PHACTR1: variants seen among roughly 807,000 people sequenced by gnomAD.
PHACTR1 encodes RPEL repeat containing 1.
Under a neutral mutation model 69.2 loss-of-function variants are expected in PHACTR1, and 16 were observed. That is an observed-to-expected ratio of 0.23 (90% CI 0.16 to 0.35). The LOEUF (loss-of-function observed/expected upper bound fraction) is 0.35, where lower values mean the gene tolerates loss of function less well. PHACTR1 is among the 10% of genes least tolerant of loss of function. PHACTR1 has a pLI of 1.00. For missense variants in PHACTR1, 510 were observed against 734.7 expected, an observed-to-expected ratio of 0.69 and a Z score of 3.54; for synonymous variants, 312 against 284.5, an observed-to-expected ratio of 1.10 and a Z score of -0.97.
intron 5 of PHACTR1, among the ~76,000 whole-genome samples, chr6:13,091,002 C>CT (rs1024469954): frequency 3.4e-5 from 4 of 117,220 alleles, no homozygotes; most frequent in South Asian, 3.0e-4. Context: ...TTTTTATTTT[C>CT]TTTTTTTTGA....
intron 4 of PHACTR1, among the ~76,000 whole-genome samples, chr6:12,837,768 A>G (rs1778302954): frequency 6.6e-6 from 1 of 152,264 alleles, no homozygotes; most frequent in Non-Finnish European, 1.5e-5. Context: ...AGAGATATAT[A>G]TGTTAAAGTA....
intron 5 of PHACTR1, among the ~76,000 whole-genome samples, chr6:13,086,101 A>AAAAAAAAAAAAAC: frequency 6.7e-6 from 1 of 150,362 alleles, no homozygotes; most frequent in African/African-American, 2.4e-5. Context: ...AAAAAAAAAA[A>AAAAAAAAAAAAAC]AAAAAGCTAA....
At chr6:13,204,798 A>T (rs555959359) in intron 7 of PHACTR1, among the ~76,000 whole-genome samples, 3 of 152,188 alleles carry the variant, frequency 2.0e-5, no homozygotes, top group Admixed American at 6.5e-5. Context: ...TCAAAGCAGG[A>T]TGGTCGTCCC....
intron 6 of PHACTR1, 43 bp from the exon 7 acceptor site, chr6:13,182,476 G>T: frequency 6.2e-7 from 1 of 1,600,004 alleles, no homozygotes; most frequent in Non-Finnish European, 8.6e-7. Context: ...TTCTTGAAAG[G>T]CAGACATTGT....
intron 4 of PHACTR1, among the ~76,000 whole-genome samples, chr6:12,764,165 A>G (rs1340486723): frequency 6.6e-6 from 1 of 152,236 alleles, no homozygotes; most frequent in Non-Finnish European, 1.5e-5. Flanking sequence ...GCCAAGACTC[A>G]TCATTCAGAA....
rs189725744 is a variant in PHACTR1 at position 13,259,039 on chromosome 6, G to T, written c.1392-13821G>T. On this transcript the variant is annotated intron_variant, in intron 10 of 14. Coordinates refer to ENST00000332995, the MANE Select transcript of PHACTR1 (RefSeq NM_030948.6). ...CAAATCTCCTGAGTCACTTTAAAGT[G>T]GTGGAGCACTGGACATTTGTCTTTT... Among the ~76,000 whole-genome samples the T allele has an allele frequency of 5.4e-4, 83 of 152,322 alleles. 1 individual carries two copies. Among genetic ancestry groups the T allele is most frequent in the African/African-American group, 1.9e-3 (78 of 41,572 alleles).
intron 8 of PHACTR1, among the ~76,000 whole-genome samples, chr6:13,226,006 G>A (rs1001479081): frequency 7.9e-5 from 12 of 152,280 alleles, no homozygotes; most frequent in Admixed American, 2.6e-4. Flanking sequence ...GCCATCTATC[G>A]TGTACTTCAC....
Position 13,218,561 on chromosome 6 carries a change from G to A in PHACTR1, c.987-9255G>A, listed in dbSNP as rs1768027958. 2.0e-5 allele frequency among the ~76,000 whole-genome samples: 3 copies of A among 152,232 alleles called. No individual in the cohort carries two copies. In the South Asian group the frequency reaches 6.2e-4, roughly 32 times the overall value. On this transcript the variant is annotated intron_variant, in intron 8 of 14. Coordinates refer to ENST00000332995, the MANE Select transcript of PHACTR1 (RefSeq NM_030948.6). ...TTCGGCCATTGAAATGGTGGGAAAA[G>A]GCCAGGCACGGTGGCTCACTCCTGT...
At chr6:12,963,402 T>C (rs1793006366) in intron 4 of PHACTR1, among the ~76,000 whole-genome samples, 1 of 150,886 alleles carries the variant, frequency 6.6e-6, no homozygotes, top group Admixed American at 6.6e-5. Context: ...AACAGGAAAA[T>C]GCAACATAAA....
At chr6:12,997,123 C>T (rs1219647952) in intron 4 of PHACTR1, among the ~76,000 whole-genome samples, 1 of 151,656 alleles carries the variant, frequency 6.6e-6, no homozygotes, top group Non-Finnish European at 1.5e-5. Flanking sequence ...TGAGATCACC[C>T]GCCATTGCAC....
At chr6:12,754,164 G>A (rs1766998505) in intron 4 of PHACTR1, among the ~76,000 whole-genome samples, 1 of 139,402 alleles carries the variant, frequency 7.2e-6, no homozygotes, top group African/African-American at 2.7e-5. Flanking sequence ...TAGTGGAGAT[G>A]GGGTTTCACT....
At chr6:12,747,500 C>T (rs1303191349) in intron 3 of PHACTR1, among the ~76,000 whole-genome samples, 1 of 151,074 alleles carries the variant, frequency 6.6e-6, no homozygotes, top group East Asian at 1.9e-4. Flanking sequence ...CGCATCTCTA[C>T]AAAAAAGAAA....
chr6:12,966,009 A>G (rs1793440121), intron 4 of PHACTR1, among the ~76,000 whole-genome samples: 1 of 152,204 alleles, frequency 6.6e-6, no homozygotes, highest in East Asian at 1.9e-4. Flanking sequence ...GGAATGGAAG[A>G]GAGGAGGCAA....
intron 4 of PHACTR1, among the ~76,000 whole-genome samples, chr6:12,936,081 T>C (rs1789417211): frequency 6.6e-6 from 1 of 151,930 alleles, no homozygotes; most frequent in Non-Finnish European, 1.5e-5. Flanking sequence ...TGTTGCCCTC[T>C]TGAAGATATA....
chr6:13,150,393 C>T lies in PHACTR1; in HGVS notation c.416-9811C>T, dbSNP rs551036833. Among the ~76,000 whole-genome samples the T allele has an allele frequency of 2.0e-4, 31 of 152,090 alleles. 1 individual carries two copies. The highest frequency in any genetic ancestry group is 6.8e-3 in the Middle Eastern group (2 of 294). ...TTTCTTTCATTTTGAATTAGTGATT[C>T]GATAAGCTTTCCTTGGATTATCAAG... On this transcript the variant is annotated intron_variant, in intron 5 of 14. Transcript: ENST00000332995.
chr6:13,004,775 C>A (rs950734335), intron 4 of PHACTR1, among the ~76,000 whole-genome samples: 1 of 152,124 alleles, frequency 6.6e-6, no homozygotes, highest in Non-Finnish European at 1.5e-5. Flanking sequence ...ATATGTCTGG[C>A]CTGCGTTCAC....
chr6:12,793,313 T>C (rs1772567169), intron 4 of PHACTR1, among the ~76,000 whole-genome samples: 1 of 152,248 alleles, frequency 6.6e-6, no homozygotes, highest in Admixed American at 6.5e-5. Flanking sequence ...TGCATATTTT[T>C]TCTTTATTCA....
At position 13,261,770 on chromosome 6, in the gene PHACTR1, T is replaced by C. The variant is rs115536582; in HGVS notation, c.1392-11090T>C. Among the ~76,000 whole-genome samples, 532 of 152,322 alleles carry C rather than the reference T, an allele frequency of 3.5e-3. 5 individuals carry two copies. Among genetic ancestry groups the C allele is most frequent in the African/African-American group, 0.012 (516 of 41,562 alleles). On this transcript the variant is annotated intron_variant, in intron 10 of 14. Coordinates refer to ENST00000332995, the MANE Select transcript of PHACTR1 (RefSeq NM_030948.6). ...CTGTAGGACACCTAAACCAAGAGAT[T>C]TGCAGACAGAGGAAGTGATACTGAA...
In PHACTR1 at chr6:13,087,081, CT is replaced by C. The variant is rs138870539; in HGVS notation, c.415+33553del. ...TTAAGTATTTTGACCATTTTTTAAACTGAACTGTTCATTTTCTTATTGAGTT... is the reference window on the plus strand; with the variant it reads ...TTAAGTATTTTGACCATTTTTTAAACGAACTGTTCATTTTCTTATTGAGTT... On this transcript the variant is annotated intron_variant, in intron 5 of 14. Coordinates refer to ENST00000332995, the MANE Select transcript of PHACTR1 (RefSeq NM_030948.6). Among the ~76,000 whole-genome samples, 499 of 149,598 alleles carry C rather than the reference CT, an allele frequency of 3.3e-3. 3 individuals carry two copies. Among genetic ancestry groups the C allele is most frequent in the African/African-American group, 0.011 (467 of 41,020 alleles).
Sources: gnomAD v4.1 joint callset for allele counts (sites outside exome capture counted in the v4.1 genomes callset) on GRCh38, gnomAD v4.1.1 for gene constraint, MANE v1.5 for transcripts, NCBI Gene and HGNC (gene_info 2026-07-23, HGNC 2026-07-21) for gene names.